LOC128706666: variants seen among roughly 807,000 people sequenced by gnomAD.
the LOC128706666 span, among the ~76,000 whole-genome samples, chr20:10,424,393 T>A: frequency 1.3e-5 from 2 of 152,138 alleles, no homozygotes; most frequent in East Asian, 3.9e-4. Flanking sequence ...CATCTCTATT[T>A]TAAAAGAAAA....
At chr20:10,415,987 G>GA in the LOC128706666 span, among the ~76,000 whole-genome samples, 9 of 149,136 alleles carry the variant, frequency 6.0e-5, no homozygotes, top group Admixed American at 1.3e-4. Context: ...AGAGAAAAGA[G>GA]AAAAAAAAAC....
At chr20:10,425,518 GATAC>G in the LOC128706666 span, among the ~76,000 whole-genome samples, 1 of 152,214 alleles carries the variant, frequency 6.6e-6, no homozygotes, top group Non-Finnish European at 1.5e-5. Flanking sequence ...AAAGGTTCAT[GATAC>G]TGAGAAGCAG....
chr20:10,428,931 G>A, the LOC128706666 span, among the ~76,000 whole-genome samples: 23 of 152,088 alleles, frequency 1.5e-4, no homozygotes, highest in Non-Finnish European at 2.9e-4. Context: ...ACTTTCTACT[G>A]TGTCTTTGGG....
At chr20:10,427,653 C>T in the LOC128706666 span, among the ~76,000 whole-genome samples, 86 of 152,306 alleles carry the variant, frequency 5.6e-4, no homozygotes, top group Non-Finnish European at 6.0e-4. Flanking sequence ...AAAGACTGCA[C>T]GTGGTCTTCA....
At chr20:10,416,152 G>GT in the LOC128706666 span, among the ~76,000 whole-genome samples, 3 of 146,810 alleles carry the variant, frequency 2.0e-5, no homozygotes, top group African/African-American at 7.7e-5. Context: ...TGGCAGATGG[G>GT]TTTTTGTTGT....
At chr20:10,415,196 C>T in the LOC128706666 span, among the ~76,000 whole-genome samples, 1 of 152,114 alleles carries the variant, frequency 6.6e-6, no homozygotes, top group African/African-American at 2.4e-5. Context: ...TCTGTTGAGG[C>T]CGGGTGTTTT....
chr20:10,428,068 T>C, the LOC128706666 span, among the ~76,000 whole-genome samples: 1 of 152,258 alleles, frequency 6.6e-6, no homozygotes, highest in Admixed American at 6.5e-5. Context: ...GAAAGCATCA[T>C]AAGTCTTATA....
At chr20:10,427,506 A>C in the LOC128706666 span, among the ~76,000 whole-genome samples, 1 of 152,216 alleles carries the variant, frequency 6.6e-6, no homozygotes, top group Non-Finnish European at 1.5e-5. Context: ...TTTCTTTTAC[A>C]ATGACAATGT....
At chr20:10,433,812 A>G in the LOC128706666 span, among the ~76,000 whole-genome samples, 1 of 152,142 alleles carries the variant, frequency 6.6e-6, no homozygotes, top group South Asian at 2.1e-4. Context: ...AGAAGGCGGC[A>G]GCGCAGGTGG....
the LOC128706666 span, among the ~76,000 whole-genome samples, chr20:10,427,687 A>G: frequency 6.6e-6 from 1 of 152,228 alleles, no homozygotes; most frequent in Non-Finnish European, 1.5e-5. Flanking sequence ...ATGAACTGAC[A>G]TGGTAAACAG....
At chr20:10,433,772 G>A in the LOC128706666 span, among the ~76,000 whole-genome samples, 5 of 152,134 alleles carry the variant, frequency 3.3e-5, no homozygotes, top group East Asian at 1.9e-4. Flanking sequence ...TCCCAGCGAG[G>A]GAGGGGACGG....
chr20:10,432,154 AG>A, the LOC128706666 span, among the ~76,000 whole-genome samples: 1 of 152,234 alleles, frequency 6.6e-6, no homozygotes, highest in Admixed American at 6.5e-5. Flanking sequence ...AGATCAATCA[AG>A]GGGTATAAAA....
the LOC128706666 span, among the ~76,000 whole-genome samples, chr20:10,425,226 C>T: frequency 6.6e-6 from 1 of 152,064 alleles, no homozygotes; most frequent in African/African-American, 2.4e-5. Context: ...TTTGTAATCC[C>T]TCTTGCAAAG....
the LOC128706666 span, among the ~76,000 whole-genome samples, chr20:10,423,601 T>C: frequency 7.9e-5 from 12 of 152,184 alleles, no homozygotes. Flanking sequence ...TGTAATGACA[T>C]AGTATGAACC....
At chr20:10,433,615 A>G in the LOC128706666 span, among the ~76,000 whole-genome samples, 115 of 152,346 alleles carry the variant, frequency 7.5e-4, 2 homozygotes, top group East Asian at 3.9e-4. Context: ...CAAGGTCCAC[A>G]GCCCTGCAAG....
the LOC128706666 span, among the ~76,000 whole-genome samples, chr20:10,420,917 G>A: frequency 6.6e-6 from 1 of 152,082 alleles, no homozygotes; most frequent in Non-Finnish European, 1.5e-5. Flanking sequence ...TAAACAAAAA[G>A]AGACATGTCA....
At chr20:10,427,029 GAC>G in the LOC128706666 span, among the ~76,000 whole-genome samples, 10,784 of 130,412 alleles carry the variant, frequency 0.083, 495 homozygotes, top group East Asian at 0.21. Flanking sequence ...AGAAAACACT[GAC>G]ACACACACAC....
At chr20:10,417,837 C>T in the LOC128706666 span, among the ~76,000 whole-genome samples, 1 of 151,504 alleles carries the variant, frequency 6.6e-6, no homozygotes, top group African/African-American at 2.4e-5. Context: ...TACGAGATTA[C>T]AGGAAATAGG....
At chr20:10,420,398 C>T in the LOC128706666 span, 1 of 152,120 alleles carries the variant, frequency 6.6e-6, no homozygotes, top group African/African-American at 2.4e-5. Context: ...AGTATTTTGC[C>T]AGTGGGTCAC....
Sources: allele counts gnomAD v4.1 joint callset (sites outside exome capture counted in the v4.1 genomes callset), GRCh38; gene constraint gnomAD v4.1.1; transcripts MANE v1.5.